The following CACNB2 variants were observed in gnomAD, a reference collection of about 807,000 sequenced individuals.
CACNB2 encodes voltage-dependent L-type calcium channel subunit beta-2.
CACNB2 carries 42 observed loss-of-function variants against 73.3 expected under a neutral mutation model. The observed-to-expected ratio is 0.57, with a 90% CI of 0.45 to 0.74. The LOEUF is 0.74. Among genes scored for constraint, CACNB2 ranks in the 30% least tolerant of loss-of-function variants. The pLI is 0.00. For synonymous variants in CACNB2, 348 were observed against 310.3 expected, an observed-to-expected ratio of 1.12 and a Z score of -1.28; for missense variants, 940 against 853.0, an observed-to-expected ratio of 1.10 and a Z score of -1.27.
chr10:18,151,411 G>C (rs1486760552), intron 2 of CACNB2: 1 of 175,936 alleles, frequency 5.7e-6, no homozygotes, highest in Non-Finnish European at 1.2e-5. Flanking sequence ...TCTTGGTCTT[G>C]AAATGGTTGA....
intron 3 of CACNB2, among the ~76,000 whole-genome samples, chr10:18,466,787 C>T (rs973272599): frequency 6.6e-6 from 1 of 152,042 alleles, no homozygotes; most frequent in South Asian, 2.1e-4. Context: ...ATAAACTGGG[C>T]CCCGGATTGA....
At chr10:18,222,714 A>G (rs71497239) in intron 2 of CACNB2, among the ~76,000 whole-genome samples, 1 of 151,836 alleles carries the variant, frequency 6.6e-6, no homozygotes, top group Admixed American at 6.6e-5. Context: ...AGGTGAGTGG[A>G]TCGTCTGAGT....
intron 3 of CACNB2, among the ~76,000 whole-genome samples, chr10:18,416,061 C>T (rs991112194): frequency 6.6e-6 from 1 of 152,106 alleles, no homozygotes; most frequent in African/African-American, 2.4e-5. Context: ...TGAGTATAGT[C>T]ATCCTACTCT....
chr10:18,179,614 T>TA (rs966691023), intron 2 of CACNB2, among the ~76,000 whole-genome samples: 15 of 152,182 alleles, frequency 9.9e-5, no homozygotes, highest in African/African-American at 3.4e-4. Context: ...TTTTTTTTTT[T>TA]TTTAATTCAG....
At chr10:18,230,818 A>C (rs2036196471) in intron 2 of CACNB2, among the ~76,000 whole-genome samples, 1 of 149,182 alleles carries the variant, frequency 6.7e-6, no homozygotes, top group Non-Finnish European at 1.5e-5. Context: ...GAAACTGACC[A>C]TAAGAAGGAG....
Position 18,239,642 on chromosome 10 carries a change from C to T in CACNB2, c.213+88667C>T, listed in dbSNP as rs142913860. On this transcript the variant is annotated intron_variant, in intron 2 of 13. Transcript: ENST00000324631. ...TAGTGCTGCAATAAATATACAAGTG[C>T]AAGTATCTTTTGTATGTAATAGACC... Among the ~76,000 whole-genome samples, 912 of 152,180 alleles carry T rather than the reference C, an allele frequency of 6.0e-3. 7 individuals are homozygous for T. The highest frequency in any genetic ancestry group is 0.021 in the African/African-American group (868 of 41,508).
chr10:18,248,842 A>G (rs2036973606), intron 2 of CACNB2, among the ~76,000 whole-genome samples: 2 of 152,054 alleles, frequency 1.3e-5, no homozygotes, highest in South Asian at 2.1e-4. Flanking sequence ...CCTCTGTCTT[A>G]TTTTCCTGGG....
intron 3 of CACNB2, among the ~76,000 whole-genome samples, chr10:18,425,254 G>A (rs1288230238): frequency 6.6e-6 from 1 of 152,036 alleles, no homozygotes; most frequent in African/African-American, 2.4e-5. Flanking sequence ...TATTTGTATT[G>A]CTGAAAGGGT....
intron 3 of CACNB2, among the ~76,000 whole-genome samples, chr10:18,446,106 A>G (rs895483196): frequency 2.0e-5 from 3 of 152,174 alleles, no homozygotes; most frequent in African/African-American, 7.2e-5. Context: ...GTGATGCCTG[A>G]GGAAGACTTT....
chr10:18,249,547 GT>G (rs554731799), intron 2 of CACNB2, among the ~76,000 whole-genome samples: 115 of 152,158 alleles, frequency 7.6e-4, no homozygotes, highest in Middle Eastern at 3.4e-3. Flanking sequence ...TCTTGACTCT[GT>G]CCCCCCAATG....
chr10:18,260,276 A>G (rs187356677), intron 2 of CACNB2: 79 of 222,882 alleles, frequency 3.5e-4, no homozygotes, highest in Non-Finnish European at 5.2e-4. Context: ...GCTTACAAAG[A>G]ATATTGACTT....
chr10:18,183,764 A>G (rs1317911458), intron 2 of CACNB2, among the ~76,000 whole-genome samples: 1 of 152,166 alleles, frequency 6.6e-6, no homozygotes, highest in Non-Finnish European at 1.5e-5. Flanking sequence ...CATATATGGA[A>G]GTGCAGGGAT....
chr10:18,464,450 T>A (rs763031002), intron 3 of CACNB2, among the ~76,000 whole-genome samples: 1 of 89,120 alleles, frequency 1.1e-5, no homozygotes, highest in African/African-American at 3.6e-5. Flanking sequence ...AGAATTTGGC[T>A]CTTTTCTCTT....
At chr10:18,312,512 T>A (rs2039999562) in intron 2 of CACNB2, among the ~76,000 whole-genome samples, 1 of 152,152 alleles carries the variant, frequency 6.6e-6, no homozygotes, top group Admixed American at 6.5e-5. Flanking sequence ...GCTGAATAAA[T>A]CCTTGTCGAT....
intron 3 of CACNB2, among the ~76,000 whole-genome samples, chr10:18,453,539 A>G (rs1356434867): frequency 6.6e-6 from 1 of 152,212 alleles, no homozygotes; most frequent in African/African-American, 2.4e-5. Flanking sequence ...AGACTTCTTG[A>G]GCACTGCCGC....
chr10:18,496,951 CT>C (rs1440581288), intron 3 of CACNB2, among the ~76,000 whole-genome samples: 3 of 151,352 alleles, frequency 2.0e-5, no homozygotes, highest in Admixed American at 6.6e-5. Context: ...TGTCTCGTAC[CT>C]GTAATCCCAG....
intron 2 of CACNB2, among the ~76,000 whole-genome samples, chr10:18,383,576 C>G (rs2043103883): frequency 6.6e-6 from 1 of 152,122 alleles, no homozygotes; most frequent in Admixed American, 6.6e-5. Flanking sequence ...CAACACAAAT[C>G]CCTACTTTCA....
intron 3 of CACNB2, among the ~76,000 whole-genome samples, chr10:18,478,302 G>A (rs898200295): frequency 5.9e-5 from 9 of 152,130 alleles, no homozygotes; most frequent in African/African-American, 2.2e-4. Flanking sequence ...AAACCACCAG[G>A]GTAGAACCCT....
chr10:18,215,484 A>G (rs1292742387), intron 2 of CACNB2, among the ~76,000 whole-genome samples: 1 of 152,200 alleles, frequency 6.6e-6, no homozygotes, highest in Non-Finnish European at 1.5e-5. Flanking sequence ...CTTTTGATTA[A>G]AAAGGAGGGC....
Sources: gnomAD v4.1 joint callset for allele counts (sites outside exome capture counted in the v4.1 genomes callset) on GRCh38, gnomAD v4.1.1 for gene constraint, MANE v1.5 for transcripts, NCBI Gene and HGNC (gene_info 2026-07-23, HGNC 2026-07-21) for gene names.